CNTN1: variants seen among roughly 807,000 people sequenced by gnomAD.
CNTN1 encodes contactin-1.
A neutral mutation model predicts 126.4 loss-of-function variants in CNTN1; 38 were observed. The observed-to-expected ratio is 0.30, with a 90% CI of 0.23 to 0.39. CNTN1 has a LOEUF of 0.39. CNTN1 is among the 10% of genes least tolerant of loss of function. The pLI, the probability that CNTN1 is intolerant of heterozygous loss-of-function variation, is 1.00. For missense variants in CNTN1, 1,009 were observed against 1,248.4 expected (o/e 0.81, Z 2.89); for synonymous variants, 413 against 422.6 (o/e 0.98, Z 0.28).
chr12:40,996,133 G>A (rs1948207969), intron 17 of CNTN1, among the ~76,000 whole-genome samples: 1 of 151,334 alleles, frequency 6.6e-6, no homozygotes, highest in African/African-American at 2.4e-5. Context: ...CTTAACCTCT[G>A]AGCCTCACTT....
intron 23 of CNTN1, among the ~76,000 whole-genome samples, chr12:41,047,218 C>G (rs531648277): frequency 6.6e-6 from 1 of 152,166 alleles, no homozygotes; most frequent in African/African-American, 2.4e-5. Flanking sequence ...CTACAGAAAC[C>G]CAGGAGTCTC....
intron 15 of CNTN1, among the ~76,000 whole-genome samples, chr12:40,973,318 A>G (rs1947578789): frequency 6.6e-6 from 1 of 152,094 alleles, no homozygotes; most frequent in African/African-American, 2.4e-5. Flanking sequence ...TATTGGAGCC[A>G]TTGTCTTAGA....
At chr12:40,756,545 G>C (rs1219905140) in intron 1 of CNTN1, among the ~76,000 whole-genome samples, 1 of 152,210 alleles carries the variant, frequency 6.6e-6, no homozygotes, top group South Asian at 2.1e-4. Context: ...GAAACTAGTA[G>C]GTAATTGCAA....
rs777953120 is a variant in CNTN1, at chr12:40,822,148, CTT to C, written c.-76-86186_-76-86185del. On this transcript the variant is annotated intron_variant, in intron 1 of 23. Transcript: ENST00000551295. ...TTTCCAGTCTAGACAAAATATAAAT[CTT>C]TTTTTTTTTTTTTTTTTTTTTTGAG... 9.1e-3 allele frequency among the ~76,000 whole-genome samples: 429 copies of C among 47,252 alleles called. 1 individual carries two copies. The highest frequency in any genetic ancestry group is 0.014 in the Middle Eastern group (1 of 70). 31.0% of individuals were successfully genotyped at this position (47,252 alleles called of 152,430 possible).
At chr12:40,863,910 ACCTTCCTT>A (rs776354943) in intron 1 of CNTN1, among the ~76,000 whole-genome samples, 1 of 136,520 alleles carries the variant, frequency 7.3e-6, no homozygotes, top group South Asian at 2.3e-4. Flanking sequence ...ATCTGGACCG[ACCTTCCTT>A]CCTTCCTTCC....
chr12:40,770,280 A>G (rs1939286919), intron 1 of CNTN1, among the ~76,000 whole-genome samples: 1 of 152,180 alleles, frequency 6.6e-6, no homozygotes, highest in South Asian at 2.1e-4. Context: ...TCAGTGATCC[A>G]GAGAAAGAAC....
chr12:40,859,917 T>C (rs1270918149), intron 1 of CNTN1, among the ~76,000 whole-genome samples: 1 of 152,190 alleles, frequency 6.6e-6, no homozygotes, highest in African/African-American at 2.4e-5. Context: ...CTGCTTTTTA[T>C]AGCTGATGTC....
At chr12:41,027,501 C>T (rs1043624911) in intron 21 of CNTN1, among the ~76,000 whole-genome samples, 2 of 152,050 alleles carry the variant, frequency 1.3e-5, no homozygotes, top group Non-Finnish European at 2.9e-5. Flanking sequence ...CTGTGAAATG[C>T]TCCAAAAATG....
chr12:41,029,083 C>G lies in CNTN1; in HGVS notation c.2844C>G (p.Gly948=). 1 of 1,613,916 alleles carries G rather than the reference C, an allele frequency of 6.2e-7. No individual in the cohort carries two copies. The highest frequency in any genetic ancestry group is 8.5e-7 in the Non-Finnish European group (1 of 1,179,910). The change falls in exon 23 of 24, where the codon GGC becomes GGG. Residue 948 remains glycine (G), a synonymous_variant. Coordinates refer to ENST00000551295, the MANE Select transcript of CNTN1 (RefSeq NM_001843.4). ...ATAAGGTACTCTACAGACCTGATGG[C>G]CAGCATGATGGCAAGCTGTATTCAA... is the stretch of plus-strand genomic sequence containing the variant. ...TGYKVLYRPD[G]QHDGKLYSTH...
At chr12:40,993,690 A>G (rs1217474476) in intron 17 of CNTN1, among the ~76,000 whole-genome samples, 1 of 152,162 alleles carries the variant, frequency 6.6e-6, no homozygotes, top group Non-Finnish European at 1.5e-5. Context: ...TCTCTCTCGA[A>G]CTCATTTATA....
intron 20 of CNTN1, among the ~76,000 whole-genome samples, chr12:41,022,511 C>A (rs1448985282): frequency 2.0e-5 from 3 of 152,138 alleles, no homozygotes; most frequent in Non-Finnish European, 4.4e-5. Flanking sequence ...CCTCATAGAA[C>A]TGTTATGTGA....
At position 40,737,359 on chromosome 12, in the gene CNTN1, G is replaced by GTGTGTATA. The variant is rs1304140380; in HGVS notation, c.-77+44768_-77+44769insGTGTATAT. ...TGTGTGTGTGTATATATGTGTGTGT[G>GTGTGTATA]TATATATATATATATATATATATGA... On this transcript the variant is annotated intron_variant, in intron 1 of 23. Coordinates refer to ENST00000551295, the MANE Select transcript of CNTN1 (RefSeq NM_001843.4). Among the ~76,000 whole-genome samples, 39 of 113,270 alleles carry GTGTGTATA rather than the reference G, an allele frequency of 3.4e-4. 1 individual carries two copies. Among genetic ancestry groups the GTGTGTATA allele is most frequent in the African/African-American group, 1.3e-3 (39 of 29,760 alleles). The allele number at this position is 113,270 out of a possible 152,430, so 74.3% of individuals were successfully genotyped here.
chr12:40,766,155 C>T (rs537418132), intron 1 of CNTN1, among the ~76,000 whole-genome samples: 2 of 152,062 alleles, frequency 1.3e-5, no homozygotes, highest in Admixed American at 1.3e-4. Context: ...GTCAAGGGTT[C>T]GAGATCAGTC....
intron 14 of CNTN1, among the ~76,000 whole-genome samples, chr12:40,945,039 A>G (rs1452685802): frequency 6.6e-6 from 1 of 152,110 alleles, no homozygotes; most frequent in African/African-American, 2.4e-5. Context: ...TGTACACATT[A>G]TTATATTATG....
chr12:40,982,824 GGGAAGTA>G (rs1200968535), intron 16 of CNTN1, among the ~76,000 whole-genome samples: 1 of 151,880 alleles, frequency 6.6e-6, no homozygotes, highest in Non-Finnish European at 1.5e-5. Context: ...AAGAGGAATG[GGGAAGTA>G]GGAGATGTGT....
At chr12:40,865,096 A>G (rs1274476463) in intron 1 of CNTN1, among the ~76,000 whole-genome samples, 9 of 152,136 alleles carry the variant, frequency 5.9e-5, no homozygotes, top group Non-Finnish European at 2.9e-5. Context: ...AATGATAGCA[A>G]TGATTTGGAT....
intron 16 of CNTN1, among the ~76,000 whole-genome samples, chr12:40,990,109 A>T (rs1178886401): frequency 6.6e-6 from 1 of 152,132 alleles, no homozygotes; most frequent in Non-Finnish European, 1.5e-5. Flanking sequence ...CTACTTACAT[A>T]GATGGTTTTA....
At chr12:40,878,756 A>G (rs987155052) in intron 1 of CNTN1, among the ~76,000 whole-genome samples, 7 of 152,192 alleles carry the variant, frequency 4.6e-5, no homozygotes, top group African/African-American at 1.7e-4. Flanking sequence ...AGTATTTTAC[A>G]TTTTTTGAGT....
chr12:40,720,004 T>A (rs1282520077), intron 1 of CNTN1, among the ~76,000 whole-genome samples: 1 of 107,062 alleles, frequency 9.3e-6, no homozygotes, highest in South Asian at 3.0e-4. Flanking sequence ...GCCCGGTTAA[T>A]TTTTTTTTTT....
Sources: allele counts gnomAD v4.1 joint callset (sites outside exome capture counted in the v4.1 genomes callset), GRCh38; gene constraint gnomAD v4.1.1; transcripts MANE v1.5; gene names NCBI Gene and HGNC (gene_info 2026-07-23, HGNC 2026-07-21).